The following HSP90AA1 variants were observed in gnomAD, a reference collection of about 807,000 sequenced individuals.
HSP90AA1 encodes heat shock protein 90 alpha family class A member 1.
HSP90AA1 carries 18 observed loss-of-function variants against 73.3 expected under a neutral mutation model. The observed-to-expected ratio is 0.25, with a 90% CI of 0.17 to 0.36. The LOEUF is 0.36. Among genes scored for constraint, HSP90AA1 ranks in the 10% least tolerant of loss-of-function variants. HSP90AA1 has a pLI of 1.00. For synonymous variants in HSP90AA1, 477 were observed against 296.9 expected (o/e 1.61, Z -6.24); for missense variants, 704 against 874.2 (o/e 0.81, Z 2.45).
chr14:102,106,537 ATTTTTTTT>A (rs10562409), intron 1 of HSP90AA1, among the ~76,000 whole-genome samples: 9 of 79,810 alleles, frequency 1.1e-4, no homozygotes, highest in Non-Finnish European at 1.7e-4. Context: ...TGTTGAGCTA[ATTTTTTTT>A]TTTTTTTTTT....
Position 102,084,476 on chromosome 14 carries a change from T to C in HSP90AA1, c.1070A>G (p.Lys357Arg). ...APFDLFENRK[K>R]KNNIKLYVRR... ...TACATACAATTTGATGTTGTTCTTT[T>C]TCTTTCTGTTTTCAAACAGATCAAA... Residue 357 changes from lysine (K) to arginine (R), a missense_variant, in exon 6 of 11, where the codon AAA (lysine) becomes AGA (arginine). Coordinates refer to ENST00000216281, the MANE Select transcript of HSP90AA1 (RefSeq NM_005348.4). 5.0e-6 allele frequency: 8 copies of C among 1,613,994 alleles called. No individual in the cohort carries two copies. The highest frequency in any genetic ancestry group is 6.8e-6 in the Non-Finnish European group (8 of 1,179,820).
Position 102,116,143 on chromosome 14 carries a change from C to G in HSP90AA1, c.156-14058G>C, listed in dbSNP as rs1296845695. ...ATTTTTTTTGTATTTTTAGTAGAGA[C>G]AGGGTTTCAACGTGTTAGCCAGGAT... On this transcript the variant is annotated intron_variant, in intron 1 of 11. Coordinates refer to the HSP90AA1 transcript ENST00000334701. Among the ~76,000 whole-genome samples the G allele has an allele frequency of 2.0e-5, 3 of 151,910 alleles. No homozygotes were observed. The East Asian group carries it at 5.8e-4, about 29-fold the overall frequency.
chr14:102,085,509 G>C (rs758896869), intron 3 of HSP90AA1, 78 bp from the exon 4 acceptor site: 217 of 1,409,550 alleles, frequency 1.5e-4, no homozygotes, highest in Non-Finnish European at 2.1e-4. Context: ...CTTATAACGT[G>C]TCTATAAAGC....
intron 1 of HSP90AA1, among the ~76,000 whole-genome samples, chr14:102,122,275 TA>T (rs1435800880): frequency 1.5e-5 from 2 of 134,740 alleles, no homozygotes; most frequent in Non-Finnish European, 3.1e-5. Flanking sequence ...AGGATCTGTT[TA>T]AAGACTTTTT....
chr14:102,085,506 C>G, intron 3 of HSP90AA1, 75 bp from the exon 4 acceptor site: 2 of 1,422,726 alleles, frequency 1.4e-6, no homozygotes, highest in South Asian at 2.3e-5. Context: ...ACCCTTATAA[C>G]GTGTCTATAA....
intron 2 of HSP90AA1, among the ~76,000 whole-genome samples, chr14:102,099,232 A>G (rs745638840): frequency 4.6e-5 from 7 of 152,264 alleles, no homozygotes; most frequent in Non-Finnish European, 7.3e-5. Context: ...TTATAAATTG[A>G]AAACCTTTTC....
rs368892394 is a variant in HSP90AA1, at chr14:102,138,089, TG to T, written c.155+1160del. ...GTTTATTACTGTGATTATAATAAAA[TG>T]TTGAATTTATATAGGGTAAAATCTT... On this transcript the variant is annotated intron_variant, in intron 1 of 11. Transcript: ENST00000334701. 1.1e-4 allele frequency among the ~76,000 whole-genome samples: 16 copies of T among 151,968 alleles called. 1 individual carries two copies. In the East Asian group the frequency reaches 2.7e-3, roughly 26 times the overall value.
rs766212680 is a variant in HSP90AA1 at position 102,139,437 on chromosome 14, C to T, written c.-33G>A. The T allele has an allele frequency of 2.6e-6, 4 of 1,510,122 alleles. No homozygotes were observed. The South Asian group carries it at 3.8e-5, about 14-fold the overall frequency. 93.5% of individuals were successfully genotyped at this position (1,510,122 alleles called of 1,614,324 possible). ...CCCCGTAGGGTACCCCGCGTGCTGG[C>T]TCCGAAGCGGTGGCCGTCGGGGTGG... On this transcript the variant is annotated 5_prime_UTR_variant, in exon 1 of 12. Coordinates refer to the HSP90AA1 transcript ENST00000334701.
chr14:102,112,635 T>C (rs897919542), intron 1 of HSP90AA1, among the ~76,000 whole-genome samples: 5 of 152,074 alleles, frequency 3.3e-5, no homozygotes, highest in African/African-American at 9.7e-5. Flanking sequence ...CACACCACCA[T>C]GTGCAGCTAA....
At chr14:102,089,701 C>CT (rs1491279054), upstream of HSP90AA1, among the ~76,000 whole-genome samples, 3 of 151,396 alleles carry the variant, frequency 2.0e-5, no homozygotes, top group African/African-American at 7.4e-5. Flanking sequence ...AGCTTCCCCC[C>CT]TGTCTCCAGC....
chr14:102,106,515 G>A (rs908474602), intron 1 of HSP90AA1, among the ~76,000 whole-genome samples: 13 of 150,066 alleles, frequency 8.7e-5, no homozygotes, highest in Non-Finnish European at 4.4e-5. Context: ...CAGTGTGCCC[G>A]CCTGAGCTCC....
rs190297746 is a variant in HSP90AA1, at chr14:102,123,622, C to T, written c.155+15628G>A. On this transcript the variant is annotated intron_variant, in intron 1 of 11. Coordinates refer to the HSP90AA1 transcript ENST00000334701. ...AACTCCTAGCCTCAAGGGATCCTCCCGCCTTGGTCTCCTACAGTACTAGGA... is the reference window on the plus strand; with the variant it reads ...AACTCCTAGCCTCAAGGGATCCTCCTGCCTTGGTCTCCTACAGTACTAGGA... 8.1e-4 allele frequency among the ~76,000 whole-genome samples: 123 copies of T among 151,830 alleles called. 1 individual carries two copies. Among genetic ancestry groups the T allele is most frequent in the East Asian group, 2.1e-3 (11 of 5,158 alleles).
intron 1 of HSP90AA1, among the ~76,000 whole-genome samples, chr14:102,109,757 G>T (rs1365115732): frequency 6.6e-6 from 1 of 152,166 alleles, no homozygotes; most frequent in Non-Finnish European, 1.5e-5. Flanking sequence ...TGAAAGGTTA[G>T]AACAGTTTGG....
chr14:102,134,627 T>C (rs1182087784), intron 1 of HSP90AA1, among the ~76,000 whole-genome samples: 1 of 152,094 alleles, frequency 6.6e-6, no homozygotes, highest in African/African-American at 2.4e-5. Flanking sequence ...CGGTGAGTAT[T>C]ACAGCTCCTA....
rs758354045 is a variant in HSP90AA1, at chr14:102,101,956, C to T, written c.285G>A (p.Ala95=). The change falls in exon 2 of 12, where the codon GCG becomes GCA. Residue 95 remains alanine, a synonymous_variant. Coordinates refer to the HSP90AA1 transcript ENST00000334701. ...CTTGGCTCTGTCTGAAGGCCAGTGA[C>T]GCGGTGACAGGGAATGCAGAGACGT... 20 of 1,613,992 alleles carry T rather than the reference C, an allele frequency of 1.2e-5. No individual in the cohort carries two copies. In the South Asian group the frequency reaches 1.5e-4, roughly 12 times the overall value.
chr14:102,097,548 T>TC (rs1364042863), intron 2 of HSP90AA1, among the ~76,000 whole-genome samples: 1 of 151,698 alleles, frequency 6.6e-6, no homozygotes, highest in Admixed American at 6.6e-5. Context: ...GGCCTTTGAG[T>TC]CCCCCCAAGG....
In HSP90AA1 at chr14:102,086,986, C is replaced by G. The variant is rs2049258129; in HGVS notation, c.-1G>C. ...ACAGGCCCCCACAACCACCCGTCACCTTGGCTAAGTGACCGCACAGGACCA... is the reference window on the plus strand; with the variant it reads ...ACAGGCCCCCACAACCACCCGTCACGTTGGCTAAGTGACCGCACAGGACCA... On this transcript the variant is annotated splice_region_variant and 5_prime_UTR_variant, in exon 1 of 11. Transcript: ENST00000216281. 1.0e-6 allele frequency: 1 copy of G among 985,328 alleles called. No individual in the cohort carries two copies. The highest frequency in any genetic ancestry group is 1.2e-6 in the Non-Finnish European group (1 of 830,162). The allele number at this position is 985,328 out of a possible 1,614,324, so 61.0% of individuals were successfully genotyped here.
chr14:102,082,614 G>T, intron 9 of HSP90AA1, 170 bp from the exon 10 acceptor site: 1 of 639,026 alleles, frequency 1.6e-6, no homozygotes, highest in Non-Finnish European at 2.7e-6. Flanking sequence ...ATAATTTCAT[G>T]TTTTACATGC....
intron 1 of HSP90AA1, among the ~76,000 whole-genome samples, chr14:102,123,118 G>C (rs565725715): frequency 6.6e-6 from 1 of 152,088 alleles, no homozygotes; most frequent in Non-Finnish European, 1.5e-5. Context: ...ATTTTGGCCA[G>C]GCACAGTGGC....
Sources: gnomAD v4.1 joint callset for allele counts (sites outside exome capture counted in the v4.1 genomes callset) on GRCh38, gnomAD v4.1.1 for gene constraint, MANE v1.5 for transcripts, NCBI Gene and HGNC (gene_info 2026-07-23, HGNC 2026-07-21) for gene names.